PHKA1: variants seen among roughly 807,000 people sequenced by gnomAD.
The protein encoded by PHKA1 is phosphorylase b kinase regulatory subunit alpha, skeletal muscle isoform.
In PHKA1, 60 loss-of-function variants were observed where a neutral mutation model predicts 110.2. That is an observed-to-expected ratio of 0.54 (90% CI 0.44 to 0.68). PHKA1 has a LOEUF of 0.68. Among genes scored for constraint, PHKA1 ranks in the 30% least tolerant of loss-of-function variants. PHKA1 has a pLI of 0.00. For synonymous variants in PHKA1, 316 were observed against 333.6 expected (o/e 0.95, Z 0.58); for missense variants, 801 against 942.5 (o/e 0.85, Z 1.97).
At chrX:72,692,066 T>A (rs2054045774) in intron 4 of PHKA1, among the ~76,000 whole-genome samples, 1 of 112,148 alleles carries the variant, frequency 8.9e-6, no homozygotes, top group South Asian at 3.7e-4. Flanking sequence ...TTTATCATGA[T>A]AAGGTGTTGA....
chrX:72,709,397 T>C (rs2054334262), intron 2 of PHKA1: 1 of 107,645 alleles, frequency 9.3e-6, no homozygotes, highest in Non-Finnish European at 1.9e-5. Context: ...TAGGATGCAG[T>C]AGTTGCCTAA....
chrX:72,709,300 A>G (rs1556333542), intron 2 of PHKA1: 2 of 109,645 alleles, frequency 1.8e-5, no homozygotes, highest in Non-Finnish European at 3.8e-5. Flanking sequence ...TTGTGTGCCT[A>G]TATTTCTATG....
At chrX:72,619,131 A>G (rs2052940007) in intron 20 of PHKA1, 83 bp downstream of exon 20, 14 of 621,109 alleles carry the variant, frequency 2.3e-5, no homozygotes, top group Non-Finnish European at 3.8e-5. Context: ...AGTAACAAGA[A>G]CCATAATGAC....
intron 13 of PHKA1, among the ~76,000 whole-genome samples, chrX:72,649,857 T>C (rs1425802101): frequency 9.1e-6 from 1 of 109,511 alleles, no homozygotes; most frequent in Non-Finnish European, 1.9e-5. Flanking sequence ...CTAGGCGTGG[T>C]GGTGCGCGAC....
intron 9 of PHKA1, among the ~76,000 whole-genome samples, chrX:72,657,072 T>C (rs906664185): frequency 8.9e-6 from 1 of 112,028 alleles, no homozygotes; most frequent in African/African-American, 3.2e-5. Flanking sequence ...GTTCAATCCC[T>C]TTAATGATAC....
rs145411912 is a variant in PHKA1, at chrX:72,684,064, G to T, written c.537+434C>A. On this transcript the variant is annotated intron_variant, in intron 5 of 31. Coordinates refer to ENST00000373542, the MANE Select transcript of PHKA1 (RefSeq NM_002637.4). ...CAGAAACCTACCTCATATGGTAGTT[G>T]TAAGGAAAAATAACTTATTTGCATT... is the stretch of plus-strand genomic sequence containing the variant. Among the ~76,000 whole-genome samples the T allele has an allele frequency of 3.7e-3, 420 of 112,338 alleles. 1 individual carries two copies. Among genetic ancestry groups the T allele is most frequent in the African/African-American group, 0.013 (408 of 30,964 alleles).
chrX:72,674,174 T>C (rs1229062462), intron 6 of PHKA1, among the ~76,000 whole-genome samples: 1 of 110,695 alleles, frequency 9.0e-6, no homozygotes, highest in East Asian at 2.9e-4. Flanking sequence ...CCATGGTGTA[T>C]ATGTGCCACA....
chrX:72,689,211 T>C (rs1439426026), intron 4 of PHKA1, among the ~76,000 whole-genome samples: 1 of 112,010 alleles, frequency 8.9e-6, no homozygotes, highest in Non-Finnish European at 1.9e-5. Flanking sequence ...AAGAAGTATA[T>C]ATTCAACGGT....
intron 4 of PHKA1, among the ~76,000 whole-genome samples, chrX:72,692,150 T>C (rs2054047137): frequency 8.9e-6 from 1 of 112,352 alleles, no homozygotes; most frequent in African/African-American, 3.2e-5. Flanking sequence ...ACATGATGTA[T>C]TGCATTAATT....
At chrX:72,599,399 C>T (rs1259958417) in intron 28 of PHKA1, among the ~76,000 whole-genome samples, 1 of 111,253 alleles carries the variant, frequency 9.0e-6, no homozygotes, top group Non-Finnish European at 1.9e-5. Context: ...GTGCCTGGCA[C>T]AAAACTGGCA....
At chrX:72,675,937 T>G (rs2053774003) in intron 6 of PHKA1, 133 bp downstream of exon 6, 1 of 519,296 alleles carries the variant, frequency 1.9e-6, no homozygotes, top group Non-Finnish European at 3.3e-6. Flanking sequence ...TACAGGAGAA[T>G]CTGAATGTTG....
At chrX:72,585,768 T>C (rs1386054786) in intron 29 of PHKA1, among the ~76,000 whole-genome samples, 2 of 112,605 alleles carry the variant, frequency 1.8e-5, no homozygotes, top group African/African-American at 3.2e-5. Flanking sequence ...CAGGAGATTA[T>C]ATCCCATGCC....
intron 4 of PHKA1, among the ~76,000 whole-genome samples, chrX:72,690,407 G>A (rs1420017377): frequency 3.6e-5 from 4 of 111,304 alleles, no homozygotes; most frequent in Non-Finnish European, 5.6e-5. Flanking sequence ...TGGAGATAGG[G>A]ACTTCAAGGA....
chrX:72,635,977 C>G (rs1430723972), intron 15 of PHKA1, among the ~76,000 whole-genome samples: 1 of 111,810 alleles, frequency 8.9e-6, no homozygotes, highest in African/African-American at 3.2e-5. Flanking sequence ...ATAAAGGACA[C>G]ATACAGTTTT....
At chrX:72,654,007 GC>G (rs1244085969) in intron 10 of PHKA1, among the ~76,000 whole-genome samples, 1 of 107,766 alleles carries the variant, frequency 9.3e-6, no homozygotes, top group Non-Finnish European at 1.9e-5. Context: ...ATTTGCTAAA[GC>G]TTAGCAATAT....
At chrX:72,713,378 T>C (rs781942800) in intron 1 of PHKA1, among the ~76,000 whole-genome samples, 1 of 111,158 alleles carries the variant, frequency 9.0e-6, no homozygotes, top group Admixed American at 9.6e-5. Context: ...ATCTTATAAC[T>C]GAAACTTTGT....
At chrX:72,583,800 C>T (rs1242179559) in intron 30 of PHKA1, among the ~76,000 whole-genome samples, 3 of 112,202 alleles carry the variant, frequency 2.7e-5, no homozygotes, top group Non-Finnish European at 5.6e-5. Context: ...CAGATGCTCA[C>T]GTCCCATCCC....
rs782644972 is a variant in PHKA1 at position 72,714,038 on chromosome X, G to A, written c.-158C>T. On this transcript the variant is annotated 5_prime_UTR_variant, in exon 1 of 32. Transcript: ENST00000373542. Reference sequence around the variant, plus strand: ...TCCCACCGCTCAGGCCTGGCGCCGCGGATTCCGCGTACCTCTCCGGACTCC... The same window carrying A: ...TCCCACCGCTCAGGCCTGGCGCCGCAGATTCCGCGTACCTCTCCGGACTCC... The A allele has an allele frequency of 2.6e-5, 13 of 508,986 alleles. No homozygotes were observed. Among genetic ancestry groups the A allele is most frequent in the Non-Finnish European group, 4.1e-5 (12 of 293,971 alleles). 41.9% of individuals were successfully genotyped at this position (508,986 alleles called of 1,213,427 possible).
At position 72,712,947 on chromosome X, in the gene PHKA1, C is replaced by T; in HGVS notation, c.79-10G>A. 8.3e-7 allele frequency: 1 copy of T among 1,210,319 alleles called. No individual in the cohort carries two copies. Among genetic ancestry groups the T allele is most frequent in the Non-Finnish European group, 1.1e-6 (1 of 894,632 alleles). On this transcript the variant is annotated splice_polypyrimidine_tract_variant and intron_variant, in intron 1 of 31. Transcript: ENST00000373542. ...AGCCAGTCACTGGATTCTGCAAGGT[C>T]AAGAAAAAGAGGGCAGGAAGGTAAC...
Sources: allele counts gnomAD v4.1 joint callset (sites outside exome capture counted in the v4.1 genomes callset), GRCh38; gene constraint gnomAD v4.1.1; transcripts MANE v1.5; gene names NCBI Gene and HGNC (gene_info 2026-07-23, HGNC 2026-07-21).